ZNF69: variants seen among roughly 807,000 people sequenced by gnomAD.
The protein encoded by ZNF69 is ZNF3.
In ZNF69, 47 loss-of-function variants were observed where a neutral mutation model predicts 50.9. The ratio of observed to expected loss-of-function variants is 0.92; its 90% CI spans 0.73 to 1.18. ZNF69 has a LOEUF of 1.18. Among genes scored for constraint, ZNF69 ranks in the 50% most tolerant of loss-of-function variants. ZNF69 has a pLI of 0.00. For synonymous variants in ZNF69, 216 were observed against 223.1 expected (o/e 0.97, Z 0.29); for missense variants, 717 against 675.1 (o/e 1.06, Z -0.69).
chr19:11,899,718 T>C (rs988514400), intron 1 of ZNF69, among the ~76,000 whole-genome samples: 5 of 152,158 alleles, frequency 3.3e-5, no homozygotes, highest in Non-Finnish European at 7.4e-5. Context: ...GGAGGACTTT[T>C]GTGTGGACAT....
chr19:11,948,149 C>A, the ZNF69 span: 4 of 1,128,276 alleles, frequency 3.5e-6, no homozygotes. Context: ...CACCTTCAAA[C>A]GATTCAGACA....
At chr19:11,979,881 C>T in the ZNF69 span, 1 of 1,442,594 alleles carries the variant, frequency 6.9e-7, no homozygotes, top group Non-Finnish European at 9.7e-7. Context: ...AGAATGCACT[C>T]TGTAGAAAGA....
downstream of ZNF69, among the ~76,000 whole-genome samples, chr19:11,917,441 A>G (rs1972532065): frequency 6.6e-6 from 1 of 152,134 alleles, no homozygotes; most frequent in Non-Finnish European, 1.5e-5. Flanking sequence ...ACTACCTAGG[A>G]GTGGGCCAGC....
chr19:11,901,897 A>G (rs190888474), intron 1 of ZNF69, among the ~76,000 whole-genome samples: 17 of 152,260 alleles, frequency 1.1e-4, no homozygotes, highest in African/African-American at 3.9e-4. Flanking sequence ...AAGTTCTCTA[A>G]GATGAATTCT....
At chr19:11,920,104 CTTTTT>C in the ZNF69 span, among the ~76,000 whole-genome samples, 2 of 137,232 alleles carry the variant, frequency 1.5e-5, no homozygotes, top group Non-Finnish European at 3.2e-5. Context: ...GGAACTTTTA[CTTTTT>C]TTTTTTTTTT....
chr19:11,951,697 T>G, the ZNF69 span, among the ~76,000 whole-genome samples: 353 of 152,364 alleles, frequency 2.3e-3, 4 homozygotes, highest in African/African-American at 7.9e-3. Context: ...GTATGAGAAT[T>G]ACAAGTCACA....
intron 1 of ZNF69, among the ~76,000 whole-genome samples, chr19:11,895,019 G>A (rs186733713): frequency 6.6e-6 from 1 of 152,330 alleles, no homozygotes; most frequent in Admixed American, 6.5e-5. Context: ...AGCAGGATGG[G>A]GGTGGAGAGA....
downstream of ZNF69, among the ~76,000 whole-genome samples, chr19:11,909,219 T>A (rs893946093): frequency 6.6e-6 from 1 of 152,192 alleles, no homozygotes; most frequent in Non-Finnish European, 1.5e-5. Flanking sequence ...CCAGATGGAT[T>A]CACAGCTGAA....
the ZNF69 span, among the ~76,000 whole-genome samples, chr19:11,919,501 G>A: frequency 5.9e-5 from 9 of 152,082 alleles, no homozygotes; most frequent in Non-Finnish European, 1.2e-4. Flanking sequence ...GCTCACTCCT[G>A]TAATCCCAGT....
chr19:11,965,304 G>A, the ZNF69 span: 1 of 1,562,830 alleles, frequency 6.4e-7, no homozygotes, highest in African/African-American at 1.4e-5. Context: ...CTCCCTGCGG[G>A]CGACTCCAGG....
At chr19:11,929,370 G>A in the ZNF69 span, among the ~76,000 whole-genome samples, 2 of 148,028 alleles carry the variant, frequency 1.4e-5, no homozygotes, top group South Asian at 4.2e-4. Context: ...TACCACACTG[G>A]CCAGGCTAGT....
chr19:11,938,209 C>T, the ZNF69 span, among the ~76,000 whole-genome samples: 6 of 152,126 alleles, frequency 3.9e-5, no homozygotes, highest in Non-Finnish European at 7.3e-5. Flanking sequence ...ACAGGGACTA[C>T]AGGTACACAC....
the ZNF69 span, among the ~76,000 whole-genome samples, chr19:11,937,542 G>A: frequency 1.4e-5 from 2 of 146,398 alleles, no homozygotes; most frequent in African/African-American, 2.6e-5. Context: ...AGGCTGGAGT[G>A]CAGTGGCGCC....
intron 1 of ZNF69, among the ~76,000 whole-genome samples, chr19:11,903,219 G>A (rs1032493330): frequency 6.6e-6 from 1 of 152,046 alleles, no homozygotes; most frequent in Admixed American, 6.6e-5. Flanking sequence ...CGGATCACCT[G>A]AGGTCAGCAG....
At chr19:11,949,426 C>T in the ZNF69 span, 1 of 1,612,952 alleles carries the variant, frequency 6.2e-7, no homozygotes, top group Non-Finnish European at 8.5e-7. Context: ...TGGTAGGACT[C>T]ATACTGGAGA....
the ZNF69 span, among the ~76,000 whole-genome samples, chr19:11,946,047 G>A: frequency 6.6e-6 from 1 of 152,170 alleles, no homozygotes; most frequent in Non-Finnish European, 1.5e-5. Flanking sequence ...CCTTGTCCCT[G>A]ACTGTCATCC....
chr19:11,902,031 A>G (rs945004344), intron 1 of ZNF69, among the ~76,000 whole-genome samples: 2 of 134,778 alleles, frequency 1.5e-5, no homozygotes, highest in Non-Finnish European at 3.1e-5. Context: ...GCCCAGGCTG[A>G]AGTGCAATGG....
At chr19:11,944,090 A>G in the ZNF69 span, among the ~76,000 whole-genome samples, 2 of 152,062 alleles carry the variant, frequency 1.3e-5, no homozygotes, top group African/African-American at 4.8e-5. Flanking sequence ...TCCACACTCT[A>G]TTACCTGGGG....
At position 11,905,378 on chromosome 19, in the gene ZNF69, T is replaced by C. The variant is rs1972346343; in HGVS notation, c.981T>C (p.Ser327=). 9.9e-6 allele frequency: 16 copies of C among 1,614,160 alleles called. No individual in the cohort carries two copies. Among genetic ancestry groups the C allele is most frequent in the Non-Finnish European group, 1.4e-5 (16 of 1,180,026 alleles). The change falls in exon 4 of 4, where the codon TCT becomes TCC. Residue 327 remains serine (S), a synonymous_variant. Coordinates refer to ENST00000429654, the MANE Select transcript of ZNF69 (RefSeq NM_001364730.1). The stretch of plus-strand genomic sequence containing the variant: ...TTCGTATACATGAAAGGACCCACTC[T>C]AGGAAAAAACCCTATGAATGTACGC... ...QYVRIHERTH[S]RKKPYECTQC...
Sources: gnomAD v4.1 joint callset for allele counts (sites outside exome capture counted in the v4.1 genomes callset) on GRCh38, gnomAD v4.1.1 for gene constraint, MANE v1.5 for transcripts, NCBI Gene and HGNC (gene_info 2026-07-23, HGNC 2026-07-21) for gene names.